The following SGCD variants were observed in gnomAD, a reference collection of about 807,000 sequenced individuals.
SGCD encodes the protein delta-sarcoglycan.
Under a neutral mutation model 36.6 loss-of-function variants are expected in SGCD, and 18 were observed. The ratio of observed to expected loss-of-function variants is 0.49; its 90% confidence interval spans 0.34 to 0.73. SGCD has a LOEUF of 0.73. Ranked by LOEUF, SGCD falls within the 30% of genes least tolerant of loss-of-function variation. SGCD has a pLI of 0.01. For synonymous variants in SGCD, 133 were observed against 130.6 expected, an observed-to-expected ratio of 1.02 and a Z score of -0.12; for missense variants, 387 against 346.7, an observed-to-expected ratio of 1.12 and a Z score of -0.92.
chr5:155,960,540 A>G (rs1757772422), intron 1 of SGCD, among the ~76,000 whole-genome samples: 1 of 151,906 alleles, frequency 6.6e-6, no homozygotes, highest in East Asian at 1.9e-4. Flanking sequence ...CCCCTACCTT[A>G]CCCTAAGCAA....
intron 4 of SGCD, among the ~76,000 whole-genome samples, chr5:156,584,665 G>A (rs1581209202): frequency 6.6e-6 from 1 of 151,346 alleles, no homozygotes; most frequent in East Asian, 1.9e-4. Context: ...GTCACCTAGA[G>A]ACTCAACATC....
intron 3 of SGCD, among the ~76,000 whole-genome samples, chr5:156,461,182 A>G (rs531118104): frequency 3.2e-4 from 48 of 152,300 alleles, no homozygotes; most frequent in African/African-American, 1.1e-3. Context: ...TGTAATGTCA[A>G]TTCTAAAAAG....
chr5:155,820,539 T>C, the SGCD span, among the ~76,000 whole-genome samples: 1 of 151,568 alleles, frequency 6.6e-6, no homozygotes, highest in Non-Finnish European at 1.5e-5. Flanking sequence ...AACAAACAAA[T>C]AAATAAAACT....
chr5:156,344,105 T>C (rs1768814999), intron 2 of SGCD, among the ~76,000 whole-genome samples: 2 of 152,228 alleles, frequency 1.3e-5, no homozygotes, highest in Admixed American at 1.3e-4. Flanking sequence ...GGTGAACTGC[T>C]GGGGTTACCT....
chr5:156,440,185 A>T (rs182176322), intron 3 of SGCD, among the ~76,000 whole-genome samples: 1 of 152,110 alleles, frequency 6.6e-6, no homozygotes, highest in Non-Finnish European at 1.5e-5. Flanking sequence ...ATCTGTCTCT[A>T]TGAATTTACC....
intron 3 of SGCD, among the ~76,000 whole-genome samples, chr5:156,126,826 A>G (rs1762183324): frequency 1.3e-5 from 2 of 152,190 alleles, no homozygotes; most frequent in South Asian, 4.1e-4. Flanking sequence ...TGTTTAAAGT[A>G]TGTTTTCTAA....
chr5:156,133,114 G>C (rs1762367441), intron 3 of SGCD, among the ~76,000 whole-genome samples: 1 of 152,124 alleles, frequency 6.6e-6, no homozygotes, highest in African/African-American at 2.4e-5. Context: ...ATGAGTGTTT[G>C]TATCAGATAA....
At chr5:156,681,163 G>A (rs1037271319) in intron 7 of SGCD, among the ~76,000 whole-genome samples, 4 of 152,146 alleles carry the variant, frequency 2.6e-5, no homozygotes, top group Non-Finnish European at 2.9e-5. Context: ...GTTCTTGTCC[G>A]GCGTTCAGGA....
intron 3 of SGCD, among the ~76,000 whole-genome samples, chr5:156,208,291 C>A (rs1489789128): frequency 1.3e-5 from 2 of 152,108 alleles, no homozygotes; most frequent in Non-Finnish European, 2.9e-5. Flanking sequence ...TCAGATGAAA[C>A]AAACTTCAGG....
chr5:156,246,860 G>A (rs184173036), intron 3 of SGCD, among the ~76,000 whole-genome samples: 74 of 152,202 alleles, frequency 4.9e-4, no homozygotes, highest in Non-Finnish European at 8.2e-4. Flanking sequence ...GATATCACCA[G>A]CTCGCCTCTT....
chr5:155,910,660 C>T (rs1756611521), intron 1 of SGCD, among the ~76,000 whole-genome samples: 1 of 152,088 alleles, frequency 6.6e-6, no homozygotes, highest in Non-Finnish European at 1.5e-5. Flanking sequence ...TGGGTACACT[C>T]TTGCCTCCTG....
At chr5:156,106,490 G>A (rs1761653266) in intron 1 of SGCD, among the ~76,000 whole-genome samples, 1 of 152,190 alleles carries the variant, frequency 6.6e-6, no homozygotes, top group Admixed American at 6.5e-5. Flanking sequence ...CTATCAAGCT[G>A]ATTTTAATCT....
chr5:156,502,541 C>T (rs1158768247), intron 3 of SGCD, among the ~76,000 whole-genome samples: 4 of 152,032 alleles, frequency 2.6e-5, no homozygotes, highest in Non-Finnish European at 5.9e-5. Context: ...TGCTATGCTG[C>T]CCAGTTTGCT....
rs146204353 is a variant in SGCD, at chr5:156,233,538, A to G, written c.-43-95996A>G. ...AAAGGTACCTTTGAGCATTCATGCA[A>G]TTTAAACTAGTTAGTGTATTGACAG... On this transcript the variant is annotated intron_variant, in intron 3 of 9. Coordinates refer to the SGCD transcript ENST00000517913. 2.2e-3 allele frequency among the ~76,000 whole-genome samples: 338 copies of G among 152,316 alleles called. 1 individual carries two copies. The highest frequency in any genetic ancestry group is 6.8e-3 in the Middle Eastern group (2 of 294).
the SGCD span, among the ~76,000 whole-genome samples, chr5:155,759,236 A>G: frequency 6.6e-6 from 1 of 152,166 alleles, no homozygotes; most frequent in Non-Finnish European, 1.5e-5. Context: ...TTTGTCGAGC[A>G]AATGTTTTCA....
At chr5:156,510,206 G>A (rs1756871892) in intron 4 of SGCD, among the ~76,000 whole-genome samples, 4 of 152,146 alleles carry the variant, frequency 2.6e-5, no homozygotes, top group Admixed American at 2.6e-4. Context: ...TTTATAAAAT[G>A]TAACTGGAAC....
At chr5:155,955,948 G>A (rs963400539) in intron 1 of SGCD, among the ~76,000 whole-genome samples, 9 of 152,116 alleles carry the variant, frequency 5.9e-5, no homozygotes, top group African/African-American at 2.2e-4. Context: ...AATGTAAAGT[G>A]TGTAAGATTG....
intron 3 of SGCD, among the ~76,000 whole-genome samples, chr5:156,232,249 G>A (rs1765037997): frequency 6.6e-6 from 1 of 152,170 alleles, no homozygotes; most frequent in East Asian, 1.9e-4. Flanking sequence ...AAAATCCATA[G>A]TGACATGGGT....
intron 4 of SGCD, among the ~76,000 whole-genome samples, chr5:156,513,328 TCATGAACCTCA>T (rs1757023883): frequency 6.6e-6 from 1 of 152,296 alleles, no homozygotes; most frequent in Admixed American, 6.5e-5. Flanking sequence ...CACATGATGC[TCATGAACCTCA>T]CATGTAGTTT....
Sources: gnomAD v4.1 joint callset for allele counts (sites outside exome capture counted in the v4.1 genomes callset) on GRCh38, gnomAD v4.1.1 for gene constraint, MANE v1.5 for transcripts, NCBI Gene and HGNC (gene_info 2026-07-23, HGNC 2026-07-21) for gene names.